Variants in PCSK6 observed in about 807,000 individuals in gnomAD.
The protein encoded by PCSK6 is paired basic amino acid cleaving enzyme 4.
PCSK6 carries 85 observed loss-of-function variants against 123.3 expected under a neutral mutation model. The ratio of observed to expected loss-of-function variants is 0.69; its 90% CI spans 0.58 to 0.83. PCSK6 has a LOEUF of 0.83. PCSK6 is among the 40% of genes least tolerant of loss of function. The pLI is 0.00. For missense variants in PCSK6, 1,191 were observed against 1,282.3 expected (o/e 0.93, Z 1.09); for synonymous variants, 508 against 516.0 (o/e 0.98, Z 0.21).
intron 7 of PCSK6, among the ~76,000 whole-genome samples, chr15:101,394,081 T>C (rs10400809): frequency 0.86 from 129,881 of 151,734 alleles, 55,792 homozygotes; most frequent in Admixed American, 0.89. Flanking sequence ...GTCTGATTTA[T>C]ATCACTAGCC....
At chr15:101,362,664 GCCTGTCTTA>G (rs1334787167) in intron 13 of PCSK6, among the ~76,000 whole-genome samples, 1 of 152,198 alleles carries the variant, frequency 6.6e-6, no homozygotes, top group Non-Finnish European at 1.5e-5. Flanking sequence ...TCGGTATCCA[GCCTGTCTTA>G]CCTGATTTCA....
At chr15:101,441,735 T>C (rs966244422) in intron 2 of PCSK6, among the ~76,000 whole-genome samples, 2 of 152,216 alleles carry the variant, frequency 1.3e-5, no homozygotes, top group Admixed American at 6.5e-5. Flanking sequence ...AGCATGCTTA[T>C]GAGATGGGCT....
At chr15:101,363,663 T>C (rs1596235980) in intron 13 of PCSK6, among the ~76,000 whole-genome samples, 1 of 152,142 alleles carries the variant, frequency 6.6e-6, no homozygotes, top group East Asian at 1.9e-4. Flanking sequence ...GGAGTCTCGC[T>C]CTGTCACCCA....
intron 1 of PCSK6, among the ~76,000 whole-genome samples, chr15:101,448,391 AT>A (rs1435353526): frequency 6.6e-6 from 1 of 152,114 alleles, no homozygotes; most frequent in Admixed American, 6.5e-5. Context: ...ATTTAAAAAA[AT>A]ATAGGTAATA....
chr15:101,457,961 T>C (rs2057232798), intron 1 of PCSK6, among the ~76,000 whole-genome samples: 1 of 152,218 alleles, frequency 6.6e-6, no homozygotes, highest in South Asian at 2.1e-4. Context: ...TGATGTTTGC[T>C]TACCCCCTAC....
chr15:101,322,425 A>G, intron 18 of PCSK6, 95 bp downstream of exon 18: 1 of 833,906 alleles, frequency 1.2e-6, no homozygotes, highest in Non-Finnish European at 1.9e-6. Flanking sequence ...CTGACAGTTC[A>G]GCTTTTAGGA....
intron 20 of PCSK6, among the ~76,000 whole-genome samples, chr15:101,309,979 C>T (rs912324152): frequency 6.6e-6 from 1 of 152,258 alleles, no homozygotes; most frequent in African/African-American, 2.4e-5. Flanking sequence ...GCGTCCTGAC[C>T]TGCATGTTCC....
At chr15:101,337,681 T>C (rs1380250574) in intron 13 of PCSK6, among the ~76,000 whole-genome samples, 2 of 152,248 alleles carry the variant, frequency 1.3e-5, no homozygotes, top group East Asian at 3.8e-4. Context: ...TGTTCACTGT[T>C]TTCTCTTCCT....
chr15:101,386,177 AG>A (rs1196703795), intron 9 of PCSK6, among the ~76,000 whole-genome samples: 1 of 152,094 alleles, frequency 6.6e-6, no homozygotes, highest in Non-Finnish European at 1.5e-5. Flanking sequence ...GTGCTGCCTC[AG>A]GGAATGTGAC....
rs1246150897 is a variant in PCSK6, at chr15:101,431,386, T to G, written c.591A>C (p.Lys197Asn). The change falls in exon 4 of 22, where the codon AAA (lysine) becomes AAC (asparagine). Residue 197 changes from lysine (K) to asparagine (N), a missense_variant. Lys to Asn is a moderately conservative substitution (Grantham distance 94). Around this residue, in one of 3 missense-constraint regions of PCSK6, gnomAD observed 357 missense variants for 484.5 expected, o/e 0.74. Coordinates refer to ENST00000611716, the MANE Select transcript of PCSK6 (RefSeq NM_002570.5). ...CATCAAGGATGGTGACCACCACGTT[T>G]TTTCCTGTGTAGCCCCTCTTCCACG... The part of the protein sequence containing the change: ...QAAWKRGYTG[K>N]NVVVTILDDG... The G allele has an allele frequency of 6.2e-7, 1 of 1,613,972 alleles. No individual in the cohort carries two copies. Among genetic ancestry groups the G allele is most frequent in the Admixed American group, 1.7e-5 (1 of 60,018 alleles).
chr15:101,394,083 T>C (rs1389633212), intron 7 of PCSK6, among the ~76,000 whole-genome samples: 1 of 151,954 alleles, frequency 6.6e-6, no homozygotes, highest in Non-Finnish European at 1.5e-5. Context: ...CTGATTTATA[T>C]CACTAGCCAA....
chr15:101,443,948 C>A (rs144072643), intron 1 of PCSK6, among the ~76,000 whole-genome samples: 1 of 152,352 alleles, frequency 6.6e-6, no homozygotes, highest in East Asian at 1.9e-4. Context: ...TTTGGACTAT[C>A]ATGGCCAAGT....
chr15:101,358,595 T>G (rs981230941), intron 13 of PCSK6, among the ~76,000 whole-genome samples: 1 of 152,240 alleles, frequency 6.6e-6, no homozygotes, highest in Non-Finnish European at 1.5e-5. Context: ...GCAGGACCTC[T>G]GCAAAATGCA....
rs1249855235 is a variant in PCSK6 at position 101,443,606 on chromosome 15, A to C, written c.352T>G (p.Ser118Ala). The stretch of plus-strand genomic sequence containing the variant: ...TGAGGGCCTCTGCTACTCAAGGTTG[A>C]TCTTTTAAAGGTTTTGCTGTGATAA... ...HFYHSKTFKR[S>A]TLSSRGPHTF... Residue 118 changes from serine (S) to alanine (A), a missense_variant, in exon 2 of 22, where the codon TCA (serine) becomes GCA (alanine). By Grantham distance (99) the Ser-to-Ala change is moderately conservative. This residue lies in a region of PCSK6 where 204 missense variants were observed against 166.4 expected (regional missense o/e 1.23). Transcript: ENST00000611716. 4 of 1,613,964 alleles carry C rather than the reference A, an allele frequency of 2.5e-6. No homozygotes were observed. Among genetic ancestry groups the C allele is most frequent in the South Asian group, 1.1e-5 (1 of 91,078 alleles).
intron 6 of PCSK6, among the ~76,000 whole-genome samples, chr15:101,407,009 C>T (rs2042801136): frequency 6.6e-6 from 1 of 152,158 alleles, no homozygotes; most frequent in South Asian, 2.1e-4. Context: ...GGCGTCCCAT[C>T]TCCACAGCTG....
chr15:101,327,048 T>A (rs2040272268), intron 15 of PCSK6, among the ~76,000 whole-genome samples: 1 of 152,052 alleles, frequency 6.6e-6, no homozygotes, highest in Admixed American at 6.5e-5. Context: ...GCTGGCCAGG[T>A]CTAGGGTGGG....
chr15:101,375,058 T>C (rs2041694822), intron 11 of PCSK6, among the ~76,000 whole-genome samples: 1 of 151,976 alleles, frequency 6.6e-6, no homozygotes, highest in African/African-American at 2.4e-5. Flanking sequence ...GTTCAAGCAA[T>C]TCTCCCGCCT....
chr15:101,366,956 G>A lies in PCSK6; in HGVS notation c.1722-624C>T, dbSNP rs115334765. On this transcript the variant is annotated intron_variant, in intron 12 of 21. Coordinates refer to ENST00000611716, the MANE Select transcript of PCSK6 (RefSeq NM_002570.5). The stretch of plus-strand genomic sequence containing the variant: ...AAAGTTCTGTCCCTTCACCTGCAGG[G>A]CTGATCCAGTCTCAACAGGGGCATT... 7.8e-3 allele frequency among the ~76,000 whole-genome samples: 1,184 copies of A among 152,328 alleles called. 21 individuals are homozygous for A. Among genetic ancestry groups the A allele is most frequent in the African/African-American group, 0.027 (1,126 of 41,554 alleles).
intron 21 of PCSK6, among the ~76,000 whole-genome samples, 176 bp downstream of exon 21, chr15:101,307,035 CAG>C (rs1272749546): frequency 6.6e-6 from 1 of 152,180 alleles, no homozygotes; most frequent in African/African-American, 2.4e-5. Context: ...AGCTGGGAGA[CAG>C]GGCAGCTGTC....
Sources: gnomAD v4.1 joint callset for allele counts (sites outside exome capture counted in the v4.1 genomes callset) on GRCh38, gnomAD v4.1.1 for gene constraint, gnomAD v4.1.1 regional missense constraint, MANE v1.5 for transcripts, NCBI Gene and HGNC (gene_info 2026-07-23, HGNC 2026-07-21) for gene names.